LSAMP: variants seen among roughly 807,000 people sequenced by gnomAD.
LSAMP encodes the protein limbic system-associated membrane protein.
In LSAMP, 7 loss-of-function variants were observed where a neutral mutation model predicts 38.6. The ratio of observed to expected loss-of-function variants is 0.18; its 90% CI spans 0.10 to 0.34. LSAMP has a LOEUF of 0.34. Among genes scored for constraint, LSAMP ranks in the 10% least tolerant of loss-of-function variants. LSAMP has a pLI of 1.00. For synonymous variants in LSAMP, 154 were observed against 166.8 expected, an observed-to-expected ratio of 0.92 and a Z score of 0.59; for missense variants, 313 against 420.0, an observed-to-expected ratio of 0.75 and a Z score of 2.23.
intron 1 of LSAMP, among the ~76,000 whole-genome samples, chr3:116,430,602 CCAAAGAT>C (rs1416479411): frequency 6.6e-6 from 1 of 152,036 alleles, no homozygotes; most frequent in Non-Finnish European, 1.5e-5. Context: ...ACACCTATAT[CCAAAGAT>C]ATGCCTAAAT....
chr3:116,137,799 T>C (rs1039723001), intron 1 of LSAMP, among the ~76,000 whole-genome samples: 7 of 152,262 alleles, frequency 4.6e-5, no homozygotes, highest in African/African-American at 1.7e-4. Flanking sequence ...TTAACCTAGA[T>C]AATGATGGCC....
chr3:116,208,858 T>A (rs189092239), intron 1 of LSAMP, among the ~76,000 whole-genome samples: 95 of 152,352 alleles, frequency 6.2e-4, no homozygotes, highest in East Asian at 5.8e-4. Flanking sequence ...TTTTTGTTTG[T>A]CTGTGCCCTG....
At chr3:115,978,440 G>C (rs1221753407) in intron 3 of LSAMP, among the ~76,000 whole-genome samples, 4 of 151,568 alleles carry the variant, frequency 2.6e-5, no homozygotes, top group Admixed American at 6.6e-5. Context: ...TTCTAATCCA[G>C]TACTCTTCCC....
chr3:116,008,205 A>T (rs914289197), intron 3 of LSAMP, among the ~76,000 whole-genome samples: 1 of 152,190 alleles, frequency 6.6e-6, no homozygotes, highest in Non-Finnish European at 1.5e-5. Flanking sequence ...AGGCAAATCA[A>T]CGTTTATGGT....
chr3:116,217,753 G>T (rs957290134), intron 1 of LSAMP, among the ~76,000 whole-genome samples: 1 of 152,180 alleles, frequency 6.6e-6, no homozygotes, highest in Admixed American at 6.5e-5. Context: ...ATTTGCCCAG[G>T]TTAATGTTTA....
Position 116,148,200 on chromosome 3 carries a change from C to T in LSAMP, c.156-61644G>A, listed in dbSNP as rs752217268. Among the ~76,000 whole-genome samples the T allele has an allele frequency of 8.7e-5, 13 of 149,678 alleles. No individual in the cohort carries two copies. In the South Asian group the frequency reaches 2.7e-3, roughly 31 times the overall value. ...TTAGTTAAAATAACAGCAACAACAA[C>T]AGAAGGAAGAAAGAACAGAGGATTT... On this transcript the variant is annotated intron_variant, in intron 1 of 6. Coordinates refer to ENST00000490035, the MANE Select transcript of LSAMP (RefSeq NM_002338.5).
intron 3 of LSAMP, among the ~76,000 whole-genome samples, chr3:115,909,195 C>A (rs1182966937): frequency 6.6e-6 from 1 of 152,106 alleles, no homozygotes; most frequent in Non-Finnish European, 1.5e-5. Flanking sequence ...TTCAGGCATC[C>A]CAAAGACACA....
At chr3:116,147,048 C>G (rs1021568768) in intron 1 of LSAMP, among the ~76,000 whole-genome samples, 1 of 151,810 alleles carries the variant, frequency 6.6e-6, no homozygotes, top group Non-Finnish European at 1.5e-5. Flanking sequence ...TTCCTTAATT[C>G]TACTACAACT....
intron 6 of LSAMP, among the ~76,000 whole-genome samples, chr3:115,834,380 T>C (rs1323539489): frequency 1.3e-5 from 2 of 152,306 alleles, no homozygotes; most frequent in East Asian, 3.9e-4. Flanking sequence ...TCTTGTTCCA[T>C]GCCTATTCAA....
chr3:116,237,902 G>T (rs1308319178), intron 1 of LSAMP, among the ~76,000 whole-genome samples: 1 of 152,166 alleles, frequency 6.6e-6, no homozygotes, highest in African/African-American at 2.4e-5. Flanking sequence ...CTCTTGAGCA[G>T]AATTTTCAGC....
chr3:116,158,910 GAAACA>G (rs1045492999), intron 1 of LSAMP, among the ~76,000 whole-genome samples: 1 of 151,644 alleles, frequency 6.6e-6, no homozygotes, highest in Admixed American at 6.6e-5. Flanking sequence ...AAGCAAAAAC[GAAACA>G]AAACAAAACA....
chr3:115,814,787 G>T (rs72949703), intron 6 of LSAMP, among the ~76,000 whole-genome samples: 1 of 152,172 alleles, frequency 6.6e-6, no homozygotes, highest in Non-Finnish European at 1.5e-5. Context: ...CTGATTGAGT[G>T]ACTGAAAATA....
intron 1 of LSAMP, among the ~76,000 whole-genome samples, chr3:116,308,386 T>C (rs150603960): frequency 1.0e-3 from 159 of 152,198 alleles, no homozygotes; most frequent in Non-Finnish European, 1.5e-3. Flanking sequence ...GTCTTGATCT[T>C]CTCTGTATCA....
At chr3:116,128,206 T>C (rs1273864106) in intron 1 of LSAMP, among the ~76,000 whole-genome samples, 1 of 152,230 alleles carries the variant, frequency 6.6e-6, no homozygotes, top group Non-Finnish European at 1.5e-5. Flanking sequence ...GAGCATTACA[T>C]AGTTGAAGAA....
At chr3:115,878,967 G>C (rs1936256716) in intron 3 of LSAMP, among the ~76,000 whole-genome samples, 1 of 152,104 alleles carries the variant, frequency 6.6e-6, no homozygotes, top group Non-Finnish European at 1.5e-5. Context: ...TATTTGCCAT[G>C]TCTGTAAGTT....
intron 1 of LSAMP, among the ~76,000 whole-genome samples, chr3:116,394,214 A>G (rs2048739786): frequency 6.6e-6 from 1 of 152,210 alleles, no homozygotes; most frequent in East Asian, 1.9e-4. Context: ...CAGCATCTCC[A>G]TAGTCCCAAC....
intron 3 of LSAMP, among the ~76,000 whole-genome samples, chr3:115,972,734 A>G (rs1205802515): frequency 6.6e-6 from 1 of 151,394 alleles, no homozygotes; most frequent in Non-Finnish European, 1.5e-5. Flanking sequence ...CTGTTGGCTG[A>G]ATAAACAAAC....
Position 116,019,597 on chromosome 3 carries a change from A to G in LSAMP, c.432T>C (p.Asn144=), listed in dbSNP as rs750095719. The G allele has an allele frequency of 1.2e-6, 2 of 1,612,946 alleles. No individual in the cohort carries two copies. Among genetic ancestry groups the G allele is most frequent in the African/African-American group, 2.7e-5 (2 of 74,904 alleles). The stretch of plus-strand genomic sequence containing the variant: ...AGACCAGAGTCACGTTGCTGCCCTC[A>G]TTCACAGTGACATCCGAGGAGATAT... ...ISNISSDVTV[N]EGSNVTLVCM... Residue 144 remains asparagine, a synonymous_variant, in exon 3 of 7, where the codon AAT becomes AAC. Transcript: ENST00000490035.
intron 2 of LSAMP, among the ~76,000 whole-genome samples, chr3:116,076,282 G>C (rs1365062887): frequency 1.3e-5 from 2 of 151,932 alleles, no homozygotes; most frequent in Non-Finnish European, 2.9e-5. Context: ...ATTTGAGACG[G>C]AGTCTCGCTC....
Sources: allele counts gnomAD v4.1 joint callset (sites outside exome capture counted in the v4.1 genomes callset), GRCh38; gene constraint gnomAD v4.1.1; transcripts MANE v1.5; gene names NCBI Gene and HGNC (gene_info 2026-07-23, HGNC 2026-07-21).